Variants in PLXNA4 observed in about 807,000 individuals in gnomAD.
PLXNA4 encodes the protein plexin A4, also known as plexin-A4.
In PLXNA4, 44 loss-of-function variants were observed where a neutral mutation model predicts 191.8. That is an observed-to-expected ratio of 0.23 (90% CI 0.18 to 0.29). The LOEUF is 0.29. PLXNA4 is among the 10% of genes least tolerant of loss of function. The pLI, the probability that PLXNA4 is intolerant of heterozygous loss-of-function variation, is 1.00. For missense variants in PLXNA4, 1,800 were observed against 2,488.8 expected (o/e 0.72, Z 5.89); for synonymous variants, 1,082 against 1,009.5 (o/e 1.07, Z -1.36).
intron 1 of PLXNA4, among the ~76,000 whole-genome samples, chr7:132,562,705 TCAC>T (rs1279358861): frequency 3.4e-4 from 22 of 65,380 alleles, no homozygotes; most frequent in Non-Finnish European, 5.7e-4. Flanking sequence ...TCCTCCTCCT[TCAC>T]CTCCTCCTCC....
Position 132,555,699 on chromosome 7 carries a change from G to A in PLXNA4, c.-87+20723C>T, listed in dbSNP as rs1278723171. Among the ~76,000 whole-genome samples, 6 of 152,174 alleles carry A rather than the reference G, an allele frequency of 3.9e-5. No homozygotes were observed. In the East Asian group the frequency reaches 9.6e-4, roughly 24 times the overall value. ...CACAGCTGAGTAGCCAAGGCTTGATGATGTCTGTAAATTACTTTAAAATGC... is the reference window on the plus strand; with the variant it reads ...CACAGCTGAGTAGCCAAGGCTTGATAATGTCTGTAAATTACTTTAAAATGC... On this transcript the variant is annotated intron_variant, in intron 1 of 31. Transcript: ENST00000321063.
chr7:132,646,901 T>C (rs902396303), intron 1 of PLXNA4, among the ~76,000 whole-genome samples: 1 of 151,546 alleles, frequency 6.6e-6, no homozygotes, highest in East Asian at 1.9e-4. Context: ...ACACATGCAT[T>C]CACACGTACA....
chr7:132,181,312 C>T (rs992695493), intron 18 of PLXNA4, 69 bp downstream of exon 18: 42 of 1,593,572 alleles, frequency 2.6e-5, no homozygotes, highest in South Asian at 5.7e-5. Flanking sequence ...GAGTCTGTGA[C>T]TTGAACACCC....
intron 3 of PLXNA4, among the ~76,000 whole-genome samples, chr7:132,462,836 A>ATTTTTTT (rs57607720): frequency 4.5e-5 from 4 of 88,946 alleles, no homozygotes; most frequent in African/African-American, 1.4e-4. Context: ...CATTTCTATA[A>ATTTTTTT]TTTTTTTTTT....
chr7:132,234,642 G>A (rs1016287130), intron 5 of PLXNA4, among the ~76,000 whole-genome samples: 2 of 148,038 alleles, frequency 1.4e-5, no homozygotes, highest in African/African-American at 4.9e-5. Context: ...GTGTATTGGG[G>A]GCTTGGCGGG....
At chr7:132,346,408 G>A (rs1803248344) in intron 3 of PLXNA4, among the ~76,000 whole-genome samples, 1 of 152,128 alleles carries the variant, frequency 6.6e-6, no homozygotes, top group South Asian at 2.1e-4. Context: ...GTCAGTAATG[G>A]AGGAAGCAAA....
At chr7:132,366,108 C>G (rs1445570552) in intron 3 of PLXNA4, 1 of 152,198 alleles carries the variant, frequency 6.6e-6, no homozygotes, top group Admixed American at 6.5e-5. Flanking sequence ...ATTCAGAGCT[C>G]CAAAAACATT....
intron 8 of PLXNA4, among the ~76,000 whole-genome samples, chr7:132,225,275 TCTC>T (rs1798278300): frequency 6.6e-6 from 1 of 152,186 alleles, no homozygotes; most frequent in Non-Finnish European, 1.5e-5. Context: ...TGTAAATGCT[TCTC>T]CTTAGCATGG....
chr7:132,164,082 G>A (rs1796026013), intron 24 of PLXNA4, 60 bp downstream of exon 24: 5 of 1,605,916 alleles, frequency 3.1e-6, no homozygotes, highest in Admixed American at 1.7e-5. Flanking sequence ...GCTGAGCAGG[G>A]CTACCCAGGA....
intron 4 of PLXNA4, among the ~76,000 whole-genome samples, chr7:132,251,051 C>CA (rs1554400205): frequency 3.8e-5 from 5 of 130,070 alleles, no homozygotes; most frequent in Admixed American, 7.9e-5. Context: ...CTGTTCCAGC[C>CA]TTTTTTTTTT....
Position 132,132,443 on chromosome 7 carries a change from TTC to T in PLXNA4, c.5589+604_5589+605del, listed in dbSNP as rs201271222. Among the ~76,000 whole-genome samples the T allele has an allele frequency of 3.0e-3, 225 of 76,218 alleles. 7 individuals are homozygous for T. The South Asian group carries it at 0.04, about 14-fold the overall frequency. The allele number at this position is 76,218 out of a possible 152,430, so 50.0% of individuals were successfully genotyped here. On this transcript the variant is annotated intron_variant, in intron 31 of 31. Transcript: ENST00000321063. The stretch of plus-strand genomic sequence containing the variant: ...TTCTGTTCTGTTCTGTTCTGTTCTG[TTC>T]TGTTCTGTTCTGTTCTGTTCTGCTC...
At chr7:132,326,173 T>C (rs577360677) in intron 3 of PLXNA4, among the ~76,000 whole-genome samples, 24 of 152,282 alleles carry the variant, frequency 1.6e-4, no homozygotes, top group Non-Finnish European at 2.5e-4. Context: ...ATTCCCTGTC[T>C]CTGCCTGCCT....
chr7:132,619,741 C>T lies in PLXNA4; in HGVS notation c.-87+26187G>A, dbSNP rs112018802. ...ATTGAACCTGCCTCACTCCAACTAT[C>T]AGACTACTGGAACATAATTGGAGAA... On this transcript the variant is annotated intron_variant, in intron 2 of 4. Transcript: ENST00000378539. Among the ~76,000 whole-genome samples the T allele has an allele frequency of 3.5e-3, 526 of 152,378 alleles. 2 individuals are homozygous for T. Among genetic ancestry groups the T allele is most frequent in the South Asian group, 0.023 (109 of 4,834 alleles).
At chr7:132,156,798 T>C (rs148840140) in intron 25 of PLXNA4, among the ~76,000 whole-genome samples, 315 of 152,310 alleles carry the variant, frequency 2.1e-3, no homozygotes, top group Non-Finnish European at 3.6e-3. Flanking sequence ...GGGGCTGTGA[T>C]TGAATAGTGT....
At chr7:132,159,779 G>C in intron 24 of PLXNA4, 147 bp from the exon 25 acceptor site, 1 of 1,367,594 alleles carries the variant, frequency 7.3e-7, no homozygotes. Flanking sequence ...CAGGCCATCT[G>C]TGCTCCCACC....
chr7:132,252,461 G>A (rs1424199094), intron 4 of PLXNA4, among the ~76,000 whole-genome samples: 4 of 151,798 alleles, frequency 2.6e-5, no homozygotes, highest in East Asian at 1.9e-4. Context: ...ACAGGTGCAC[G>A]CCACCACACC....
In PLXNA4 at chr7:132,185,365, T is replaced by C. The variant is rs1796843572; in HGVS notation, c.3092A>G (p.Asp1031Gly). ...VQVDRAKIHQ[D>G]LVFQYVEDPT... ...GTCTTCCACATACTGAAAGACCAGG[T>C]CCTGGTGGATCTTGGCCCTGTCCAC... is the stretch of plus-strand genomic sequence containing the variant. The change falls in exon 16 of 32, where the codon GAC (aspartate) becomes GGC (glycine). Residue 1031 changes from aspartate (D) to glycine (G), a missense_variant. Transcript: ENST00000321063. 1 of 1,613,958 alleles carries C rather than the reference T, an allele frequency of 6.2e-7. No homozygotes were observed. Among genetic ancestry groups the C allele is most frequent in the South Asian group, 1.1e-5 (1 of 91,070 alleles).
rs144298210 is a variant in PLXNA4 at position 132,321,136 on chromosome 7, C to G, written c.1372-22914G>C. Among the ~76,000 whole-genome samples the G allele has an allele frequency of 8.6e-4, 131 of 152,330 alleles. 2 individuals carry two copies. The East Asian group carries it at 0.025, about 29-fold the overall frequency. On this transcript the variant is annotated intron_variant, in intron 3 of 31. Transcript: ENST00000321063. ...TCCGGCTGCCTCTCCTCACCTGGCT[C>G]TCCGTCCGCCACCCCCTCGCGCTTA...
chr7:132,166,694 A>G (rs935569693), intron 22 of PLXNA4, among the ~76,000 whole-genome samples: 9 of 152,046 alleles, frequency 5.9e-5, no homozygotes, highest in African/African-American at 2.2e-4. Flanking sequence ...AAGAGCATCC[A>G]GGAGAACAGG....
Sources: allele counts gnomAD v4.1 joint callset (sites outside exome capture counted in the v4.1 genomes callset), GRCh38; gene constraint gnomAD v4.1.1; transcripts MANE v1.5; gene names NCBI Gene and HGNC (gene_info 2026-07-23, HGNC 2026-07-21).